Variants in LRRIQ1 observed in about 807,000 individuals in gnomAD.
The protein encoded by LRRIQ1 is leucine rich repeats and IQ motif containing 1.
LRRIQ1 carries 210 observed loss-of-function variants against 211.9 expected under a neutral mutation model. The ratio of observed to expected loss-of-function variants is 0.99; its 90% CI spans 0.89 to 1.11. The LOEUF (loss-of-function observed/expected upper bound fraction) is 1.11. Among genes scored for constraint, LRRIQ1 ranks in the 50% most tolerant of loss-of-function variants. The pLI is 0.00. For synonymous variants in LRRIQ1, 699 were observed against 650.1 expected (o/e 1.08, Z -1.14); for missense variants, 2,136 against 1,939.5 (o/e 1.10, Z -1.90).
chr12:85,087,947 T>C (rs1884997287), intron 11 of LRRIQ1, among the ~76,000 whole-genome samples: 1 of 152,240 alleles, frequency 6.6e-6, no homozygotes, highest in South Asian at 2.1e-4. Context: ...CTCTTTAGTT[T>C]AATTAGATCC....
intron 15 of LRRIQ1, among the ~76,000 whole-genome samples, chr12:85,117,839 A>G (rs1361713768): frequency 2.0e-5 from 3 of 152,196 alleles, no homozygotes; most frequent in Non-Finnish European, 4.4e-5. Flanking sequence ...TATAATCATA[A>G]CTAAGTAAGT....
At chr12:85,212,819 G>A (rs1435116200) in intron 24 of LRRIQ1, among the ~76,000 whole-genome samples, 1 of 150,146 alleles carries the variant, frequency 6.7e-6, no homozygotes, top group African/African-American at 2.4e-5. Context: ...GAGAAAGAGA[G>A]AGAGAGAGAG....
chr12:85,098,873 TC>T lies in LRRIQ1; in HGVS notation c.3090del (p.Leu1031TrpfsTer7). On this transcript the variant is annotated frameshift_variant, in exon 13 of 27. Coordinates refer to ENST00000393217, the MANE Select transcript of LRRIQ1 (RefSeq NM_001079910.2). LOFTEE classifies it high-confidence loss of function. ...GAACCAAATTTAAATATAGCTTCCATCCTTGGAGAATCTTGTTTTACTAAGA... is the reference window on the plus strand; with the variant it reads ...GAACCAAATTTAAATATAGCTTCCATCTTGGAGAATCTTGTTTTACTAAGA... ...LQGNYLSELP[S>X]LENLVLLREL... 6.4e-7 allele frequency: 1 copy of T among 1,559,940 alleles called. No homozygotes were observed. The highest frequency in any genetic ancestry group is 1.2e-5 in the South Asian group (1 of 81,722).
At chr12:85,148,180 A>G (rs1890014969) in intron 19 of LRRIQ1, among the ~76,000 whole-genome samples, 1 of 151,386 alleles carries the variant, frequency 6.6e-6, no homozygotes, top group South Asian at 2.1e-4. Flanking sequence ...AAATGTATTT[A>G]TTTATTTTAC....
At chr12:85,269,711 A>C in the LRRIQ1 span, among the ~76,000 whole-genome samples, 1 of 152,002 alleles carries the variant, frequency 6.6e-6, no homozygotes, top group Non-Finnish European at 1.5e-5. Flanking sequence ...TGAGTCCTCT[A>C]AGTCTAGTAT....
chr12:85,179,006 A>G (rs1412717670), intron 24 of LRRIQ1, among the ~76,000 whole-genome samples: 2 of 151,794 alleles, frequency 1.3e-5, no homozygotes, highest in Non-Finnish European at 2.9e-5. Flanking sequence ...ACCTATTCCT[A>G]TGGCACAATG....
intron 24 of LRRIQ1, among the ~76,000 whole-genome samples, chr12:85,224,739 T>TG (rs945136940): frequency 2.4e-4 from 7 of 28,814 alleles, no homozygotes; most frequent in Non-Finnish European, 3.3e-4. Context: ...TGTTGAGGGG[T>TG]GGGGGGGCTA....
chr12:85,214,592 A>G (rs1893990309), intron 24 of LRRIQ1, among the ~76,000 whole-genome samples: 1 of 152,078 alleles, frequency 6.6e-6, no homozygotes, highest in Non-Finnish European at 1.5e-5. Context: ...GCCCATACAT[A>G]TAATGTTTAG....
chr12:85,222,803 G>A (rs1286706929), intron 24 of LRRIQ1, among the ~76,000 whole-genome samples: 1 of 152,132 alleles, frequency 6.6e-6, no homozygotes, highest in Admixed American at 6.6e-5. Context: ...TTGGGTTTGA[G>A]AGGAAGAGAA....
chr12:85,039,809 A>G (rs1256628409), intron 2 of LRRIQ1, among the ~76,000 whole-genome samples: 1 of 151,670 alleles, frequency 6.6e-6, no homozygotes, highest in Non-Finnish European at 1.5e-5. Context: ...ATGTAGATAT[A>G]TGTAACTTCA....
rs142768984 is a variant in LRRIQ1, at chr12:85,111,184, T to C, written c.3377+4569T>C. On this transcript the variant is annotated intron_variant, in intron 15 of 26. Transcript: ENST00000393217. ...GCTTCCATTTTGTAGACCTGTTTCA[T>C]GTGGCTTCACTGTACTTGGCTTTTG... Among the ~76,000 whole-genome samples, 200 of 152,256 alleles carry C rather than the reference T, an allele frequency of 1.3e-3. 1 individual carries two copies. Among genetic ancestry groups the C allele is most frequent in the African/African-American group, 4.6e-3 (191 of 41,570 alleles).
chr12:85,266,545 A>G (rs377607258), downstream of LRRIQ1, among the ~76,000 whole-genome samples: 13 of 152,250 alleles, frequency 8.5e-5, no homozygotes, highest in East Asian at 5.8e-4. Context: ...GTTAAACTGA[A>G]ACGCTTCATG....
chr12:85,161,597 T>C (rs1366520673), intron 24 of LRRIQ1, among the ~76,000 whole-genome samples: 1 of 152,152 alleles, frequency 6.6e-6, no homozygotes, highest in Non-Finnish European at 1.5e-5. Context: ...CATAGCACGA[T>C]TGAAAATGGA....
At chr12:85,267,669 C>A (rs944294104), downstream of LRRIQ1, among the ~76,000 whole-genome samples, 1 of 151,948 alleles carries the variant, frequency 6.6e-6, no homozygotes, top group South Asian at 2.1e-4. Flanking sequence ...TTTGATCCAA[C>A]CATGGATTTT....
rs779566934 is a variant in LRRIQ1, at chr12:85,165,467, CTTTTTTT to C, written c.4822+4770_4822+4776del. 1.6e-3 allele frequency among the ~76,000 whole-genome samples: 194 copies of C among 118,624 alleles called. 1 individual carries two copies. Among genetic ancestry groups the C allele is most frequent in the Middle Eastern group, 6.1e-3 (1 of 164 alleles). 77.8% of individuals were successfully genotyped at this position (118,624 alleles called of 152,430 possible). ...TTGCTGGAAAGGACATGATTTCTTA[CTTTTTTT>C]TTTTTTTTTTTTTTTTGAGACAGAG... On this transcript the variant is annotated intron_variant, in intron 24 of 26. Coordinates refer to ENST00000393217, the MANE Select transcript of LRRIQ1 (RefSeq NM_001079910.2).
chr12:85,194,389 C>A (rs2136966900), intron 24 of LRRIQ1, among the ~76,000 whole-genome samples: 1 of 140,816 alleles, frequency 7.1e-6, no homozygotes. Flanking sequence ...AGCACCACAC[C>A]ACACCTATTC....
At chr12:85,070,256 C>T (rs1055269446) in intron 10 of LRRIQ1, among the ~76,000 whole-genome samples, 1 of 151,956 alleles carries the variant, frequency 6.6e-6, no homozygotes, top group Non-Finnish European at 1.5e-5. Context: ...TGATGCTACA[C>T]TTGAGTGTTT....
chr12:85,206,044 A>G lies in LRRIQ1; in HGVS notation c.4823-23473A>G, dbSNP rs368153304. ...ACCACTGGCCGCAACACTCTGAAGG[A>G]TGGTGCTGACCAAAGCATTTGTCAG... is the stretch of plus-strand genomic sequence containing the variant. On this transcript the variant is annotated intron_variant, in intron 24 of 26. Transcript: ENST00000393217. Among the ~76,000 whole-genome samples, 17 of 152,268 alleles carry G rather than the reference A, an allele frequency of 1.1e-4. No homozygotes were observed. The East Asian group carries it at 3.1e-3, about 28-fold the overall frequency.
chr12:85,269,630 G>A, the LRRIQ1 span, among the ~76,000 whole-genome samples: 1 of 151,990 alleles, frequency 6.6e-6, no homozygotes, highest in Non-Finnish European at 1.5e-5. Context: ...TATTGATATA[G>A]ACAGTGATTT....
Sources: gnomAD v4.1 joint callset for allele counts (sites outside exome capture counted in the v4.1 genomes callset) on GRCh38, gnomAD v4.1.1 for gene constraint, MANE v1.5 for transcripts, NCBI Gene and HGNC (gene_info 2026-07-23, HGNC 2026-07-21) for gene names.